Variants in EDAR observed in about 807,000 individuals in gnomAD.
EDAR encodes ectodysplasin A receptor.
In EDAR, 38 loss-of-function variants were observed where a neutral mutation model predicts 51.3. The ratio of observed to expected loss-of-function variants is 0.74; its 90% CI spans 0.57 to 0.97. The LOEUF (loss-of-function observed/expected upper bound fraction) is 0.97. Ranked by LOEUF, EDAR falls within the 50% of genes least tolerant of loss-of-function variation. EDAR has a pLI of 0.00. For synonymous variants in EDAR, 227 were observed against 242.1 expected (o/e 0.94, Z 0.58); for missense variants, 528 against 595.0 (o/e 0.89, Z 1.17).
rs1558814721 is a variant in EDAR at position 108,930,147 on chromosome 2, C to CG, written c.146dup (p.Cys50ValfsTer45). On this transcript the variant is annotated frameshift_variant, in exon 3 of 12. Coordinates refer to ENST00000258443, the MANE Select transcript of EDAR (RefSeq NM_022336.4). LOFTEE classifies it high-confidence loss of function. ...GGTAGGGCTCCTCTCCCGGCCCACACGGGGGGCACTCCTGGCACAGCCCCG... is the reference window on the plus strand; with the variant it reads ...GGTAGGGCTCCTCTCCCGGCCCACACGGGGGGGCACTCCTGGCACAGCCCCG... 1.9e-6 allele frequency: 3 copies of CG among 1,613,958 alleles called. No homozygotes were observed. Among genetic ancestry groups the CG allele is most frequent in the Non-Finnish European group, 1.7e-6 (2 of 1,179,998 alleles).
At chr2:108,919,193 G>A (rs890486164) in intron 5 of EDAR, among the ~76,000 whole-genome samples, 1 of 152,202 alleles carries the variant, frequency 6.6e-6, no homozygotes, top group Admixed American at 6.5e-5. Flanking sequence ...TGTCACGGAA[G>A]AGCATCCGGG....
intron 1 of EDAR, among the ~76,000 whole-genome samples, chr2:108,986,915 C>A (rs1257775460): frequency 6.6e-6 from 1 of 152,146 alleles, no homozygotes; most frequent in African/African-American, 2.4e-5. Flanking sequence ...GCTAAGTGGG[C>A]TTAATGTAAG....
intron 5 of EDAR, among the ~76,000 whole-genome samples, chr2:108,919,389 G>A (rs769076415): frequency 2.6e-5 from 4 of 151,998 alleles, no homozygotes; most frequent in Non-Finnish European, 4.4e-5. Context: ...GCGGAGTTTC[G>A]CTCTTGTTGC....
At chr2:108,902,692 T>A (rs1355487521) in intron 11 of EDAR, among the ~76,000 whole-genome samples, 1 of 152,208 alleles carries the variant, frequency 6.6e-6, no homozygotes, top group East Asian at 1.9e-4. Context: ...ACATCAGGTA[T>A]GGCTTATTCC....
intron 1 of EDAR, among the ~76,000 whole-genome samples, chr2:108,957,068 G>A (rs1697940689): frequency 6.6e-6 from 1 of 152,228 alleles, no homozygotes; most frequent in Non-Finnish European, 1.5e-5. Context: ...GGAATTACAG[G>A]CGTGAGCCGC....
intron 1 of EDAR, among the ~76,000 whole-genome samples, chr2:108,954,790 C>T (rs2104381184): frequency 6.6e-6 from 1 of 152,062 alleles, no homozygotes; most frequent in Admixed American, 6.5e-5. Flanking sequence ...ATTCTCCTGT[C>T]TCAGCCTCCT....
chr2:108,930,150 G>A lies in EDAR; in HGVS notation c.144C>T (p.Pro48=). Residue 48 remains proline (P), a synonymous_variant, in exon 3 of 12, where the codon CCC becomes CCT. Coordinates refer to ENST00000258443, the MANE Select transcript of EDAR (RefSeq NM_022336.4). ...AGGGCTCCTCTCCCGGCCCACACGGGGGGCACTCCTGGCACAGCCCCGTAG... is the reference window on the plus strand; with the variant it reads ...AGGGCTCCTCTCCCGGCCCACACGGAGGGCACTCCTGGCACAGCCCCGTAG... ...NQTTGLCQEC[P]PCGPGEEPYL... The A allele has an allele frequency of 6.2e-7, 1 of 1,614,000 alleles. No individual in the cohort carries two copies. Among genetic ancestry groups the A allele is most frequent in the South Asian group, 1.1e-5 (1 of 91,078 alleles).
intron 1 of EDAR, among the ~76,000 whole-genome samples, chr2:108,974,608 T>C (rs1383886169): frequency 6.6e-6 from 1 of 151,844 alleles, no homozygotes; most frequent in Admixed American, 6.6e-5. Flanking sequence ...TGTGTGCCTG[T>C]AATCCCAGCT....
intron 1 of EDAR, among the ~76,000 whole-genome samples, chr2:108,957,187 T>C (rs981581048): frequency 6.6e-6 from 1 of 152,242 alleles, no homozygotes; most frequent in African/African-American, 2.4e-5. Context: ...TGGGTGCCAC[T>C]GACAACCAGT....
At chr2:108,948,981 C>T (rs1399889878) in intron 1 of EDAR, among the ~76,000 whole-genome samples, 2 of 152,094 alleles carry the variant, frequency 1.3e-5, no homozygotes, top group Admixed American at 6.6e-5. Context: ...TAGTTAAAAA[C>T]ACATACATGT....
rs114794866 is a variant in EDAR at position 108,970,021 on chromosome 2, C to T, written c.-19+18939G>A. ...GCCAGCCCAGCACAGGCTTTGGTGACGTCTGAGCCTTGGCTATCTGGATGA... is the reference window on the plus strand; with the variant it reads ...GCCAGCCCAGCACAGGCTTTGGTGATGTCTGAGCCTTGGCTATCTGGATGA... On this transcript the variant is annotated intron_variant, in intron 1 of 11. Coordinates refer to ENST00000258443, the MANE Select transcript of EDAR (RefSeq NM_022336.4). Among the ~76,000 whole-genome samples the T allele has an allele frequency of 4.8e-3, 737 of 152,298 alleles. 8 individuals carry two copies. The highest frequency in any genetic ancestry group is 0.017 in the African/African-American group (700 of 41,556).
At chr2:108,937,495 A>ATGTG (rs139638388) in intron 1 of EDAR, among the ~76,000 whole-genome samples, 2,221 of 152,088 alleles carry the variant, frequency 0.015, 25 homozygotes, top group South Asian at 0.03. Context: ...GAGTATGTGT[A>ATGTG]TGTGTATGAA....
intron 1 of EDAR, among the ~76,000 whole-genome samples, chr2:108,934,205 A>C (rs1697424820): frequency 6.6e-6 from 1 of 152,172 alleles, no homozygotes; most frequent in African/African-American, 2.4e-5. Context: ...GATGTGTTTC[A>C]TTATTGTTAC....
At chr2:108,964,784 C>T (rs1388603444) in intron 1 of EDAR, among the ~76,000 whole-genome samples, 2 of 152,174 alleles carry the variant, frequency 1.3e-5, no homozygotes, top group African/African-American at 4.8e-5. Flanking sequence ...CTTGCTTCTA[C>T]CCAGAGAGCT....
chr2:108,951,797 G>A (rs1397155686), intron 1 of EDAR, among the ~76,000 whole-genome samples: 1 of 152,084 alleles, frequency 6.6e-6, no homozygotes, highest in Non-Finnish European at 1.5e-5. Flanking sequence ...CACTATATCA[G>A]AACCAATGCC....
intron 1 of EDAR, among the ~76,000 whole-genome samples, chr2:108,987,766 A>G (rs1286026853): frequency 6.6e-6 from 1 of 152,210 alleles, no homozygotes; most frequent in Admixed American, 6.5e-5. Flanking sequence ...TGAAGGGTAC[A>G]CGTGGACTGT....
At chr2:108,898,154 G>A (rs900907177) in intron 11 of EDAR, among the ~76,000 whole-genome samples, 1 of 152,086 alleles carries the variant, frequency 6.6e-6, no homozygotes, top group Non-Finnish European at 1.5e-5. Context: ...GAAAAACTGT[G>A]TCCCCACTCT....
In EDAR at chr2:108,895,009, G is replaced by C. The variant is rs1696554703; in HGVS notation, c.*1898C>G. On this transcript the variant is annotated 3_prime_UTR_variant, in exon 12 of 12. Coordinates refer to ENST00000258443, the MANE Select transcript of EDAR (RefSeq NM_022336.4). ...GTGACATTTGCAGTCTAATTAAGGG[G>C]AGACTCACTCATCATCATCACAAGG... The C allele has an allele frequency of 6.7e-6, 1 of 150,116 alleles. No individual in the cohort carries two copies. Among genetic ancestry groups the C allele is most frequent in the African/African-American group, 2.5e-5 (1 of 39,870 alleles). The allele number at this position is 150,116 out of a possible 1,614,324, so 9.3% of individuals were successfully genotyped here.
rs977915742 is a variant in EDAR at position 108,896,093 on chromosome 2, A to G, written c.*814T>C. ...GCCATTCACATGTAGTGCAGACCAC[A>G]GGGTTCCCAGGCCAAAGAGTAATGC... On this transcript the variant is annotated 3_prime_UTR_variant, in exon 12 of 12. Coordinates refer to ENST00000258443, the MANE Select transcript of EDAR (RefSeq NM_022336.4). 4 of 152,244 alleles carry G rather than the reference A, an allele frequency of 2.6e-5. No individual in the cohort carries two copies. The highest frequency in any genetic ancestry group is 4.8e-5 in the African/African-American group (2 of 41,466). 9.4% of individuals were successfully genotyped at this position (152,244 alleles called of 1,614,324 possible). A position where few individuals can be genotyped will look rare whatever the true frequency, so the allele number is the denominator to read the frequency against.
Sources: allele counts gnomAD v4.1 joint callset (sites outside exome capture counted in the v4.1 genomes callset), GRCh38; gene constraint gnomAD v4.1.1; transcripts MANE v1.5; gene names NCBI Gene and HGNC (gene_info 2026-07-23, HGNC 2026-07-21).